Variants in DPY19L1 observed in about 807,000 individuals in gnomAD.
The protein encoded by DPY19L1 is protein C-mannosyl-transferase DPY19L1.
A neutral mutation model predicts 96.9 loss-of-function variants in DPY19L1; 35 were observed. That is an observed-to-expected ratio of 0.36 (90% confidence interval 0.28 to 0.48). The LOEUF (loss-of-function observed/expected upper bound fraction) is 0.48. DPY19L1 is among the 20% of genes least tolerant of loss of function. The pLI, the probability that DPY19L1 is intolerant of heterozygous loss-of-function variation, is 0.99. For missense variants in DPY19L1, 521 were observed against 777.9 expected (o/e 0.67, Z 3.93); for synonymous variants, 205 against 252.6 (o/e 0.81, Z 1.79).
At chr7:34,959,275 A>G (rs1391882219) in intron 10 of DPY19L1, among the ~76,000 whole-genome samples, 1 of 152,222 alleles carries the variant, frequency 6.6e-6, no homozygotes, top group African/African-American at 2.4e-5. Flanking sequence ...GGGAGTATAA[A>G]TTAGTTCAAC....
chr7:35,012,038 C>T (rs955352590), intron 4 of DPY19L1, among the ~76,000 whole-genome samples: 2 of 152,232 alleles, frequency 1.3e-5, no homozygotes, highest in African/African-American at 4.8e-5. Flanking sequence ...GCACTCATTC[C>T]TCCAGCTGGT....
At position 34,974,297 on chromosome 7, in the gene DPY19L1, G is replaced by A. The variant is rs772935586; in HGVS notation, c.823-692C>T. The stretch of plus-strand genomic sequence containing the variant: ...TTCATCCTTCCATCGACAGAAAACC[G>A]CATACAATTAAATGCAAGCAATCTG... On this transcript the variant is annotated intron_variant, in intron 7 of 21. Transcript: ENST00000638088. Among the ~76,000 whole-genome samples, 12 of 152,168 alleles carry A rather than the reference G, an allele frequency of 7.9e-5. No homozygotes were observed. The East Asian group carries it at 1.4e-3, about 17-fold the overall frequency.
chr7:34,943,355 A>G (rs11971120), intron 16 of DPY19L1, among the ~76,000 whole-genome samples: 27,439 of 152,162 alleles, frequency 0.18, 2,859 homozygotes, highest in Admixed American at 0.34. Flanking sequence ...TAATATGCTT[A>G]GTACATTCCA....
intron 6 of DPY19L1, among the ~76,000 whole-genome samples, chr7:35,007,450 C>A (rs1396544337): frequency 1.3e-5 from 2 of 152,126 alleles, no homozygotes; most frequent in African/African-American, 4.8e-5. Context: ...ATTGGAAGAA[C>A]CAGAGACAGC....
intron 6 of DPY19L1, among the ~76,000 whole-genome samples, chr7:34,996,501 A>G (rs1473518296): frequency 6.6e-6 from 1 of 152,050 alleles, no homozygotes; most frequent in Non-Finnish European, 1.5e-5. Context: ...CTTCCCCTGG[A>G]GCCTCCCTCC....
At chr7:35,020,145 A>G (rs1584259911) in intron 1 of DPY19L1, among the ~76,000 whole-genome samples, 1 of 152,226 alleles carries the variant, frequency 6.6e-6, no homozygotes, top group African/African-American at 2.4e-5. Context: ...AAGAAAAAAA[A>G]TAATAATAAT....
chr7:34,988,075 G>A (rs1785087817), intron 7 of DPY19L1: 2 of 152,030 alleles, frequency 1.3e-5, no homozygotes, highest in South Asian at 2.1e-4. Context: ...TGAATAGTCT[G>A]AATTCCATTG....
intron 4 of DPY19L1, among the ~76,000 whole-genome samples, chr7:35,012,837 T>G (rs191557496): frequency 2.0e-5 from 3 of 152,206 alleles, no homozygotes; most frequent in Admixed American, 1.3e-4. Flanking sequence ...AATGAACTTA[T>G]AAAATTTTAA....
At chr7:35,018,635 A>G (rs1400130975) in intron 1 of DPY19L1, 39 bp from the exon 2 acceptor site, 6 of 1,561,612 alleles carry the variant, frequency 3.8e-6, no homozygotes, top group Non-Finnish European at 5.3e-6. Flanking sequence ...ATTTTAGCAT[A>G]AACATGTTCA....
chr7:34,959,914 T>TATATTTATATAAATATATATATAA (rs1562806899), intron 10 of DPY19L1, among the ~76,000 whole-genome samples: 1 of 10,616 alleles, frequency 9.4e-5, no homozygotes, highest in Non-Finnish European at 1.7e-4. Context: ...TATATATATA[T>TATATTTATATAAATATATATATAA]ATATATATAT....
At chr7:35,025,416 G>A (rs1407401484) in intron 1 of DPY19L1, among the ~76,000 whole-genome samples, 2 of 151,914 alleles carry the variant, frequency 1.3e-5, no homozygotes, top group Non-Finnish European at 1.5e-5. Flanking sequence ...CAAGCAGATG[G>A]CATAAAGTCT....
intron 13 of DPY19L1, among the ~76,000 whole-genome samples, chr7:34,950,664 T>A (rs1043516512): frequency 6.6e-6 from 1 of 152,152 alleles, no homozygotes; most frequent in African/African-American, 2.4e-5. Flanking sequence ...GAGTAGGAAC[T>A]AGATGGTGGC....
At chr7:35,016,633 A>G (rs767757746) in intron 3 of DPY19L1, among the ~76,000 whole-genome samples, 1 of 152,250 alleles carries the variant, frequency 6.6e-6, no homozygotes, top group African/African-American at 2.4e-5. Flanking sequence ...TCAGCATCAC[A>G]ATACCTAAAG....
intron 1 of DPY19L1, among the ~76,000 whole-genome samples, chr7:35,019,847 TTTG>T (rs1785951156): frequency 6.6e-6 from 1 of 152,222 alleles, no homozygotes; most frequent in Admixed American, 6.5e-5. Context: ...AAATCTACCA[TTTG>T]CTTCCTTTTA....
chr7:34,990,483 T>C (rs2023327), intron 6 of DPY19L1, among the ~76,000 whole-genome samples: 29,836 of 152,174 alleles, frequency 0.2, 3,306 homozygotes, highest in Admixed American at 0.35. Context: ...ATCCCCAAGC[T>C]ACTTTTCTGC....
chr7:34,953,988 C>G (rs1406101194), intron 13 of DPY19L1, among the ~76,000 whole-genome samples: 1 of 152,000 alleles, frequency 6.6e-6, no homozygotes, highest in Non-Finnish European at 1.5e-5. Context: ...TAGCATTAAT[C>G]TAGTACAGAA....
chr7:34,989,923 G>T lies in DPY19L1; in HGVS notation c.783C>A (p.Gly261=), dbSNP rs1232709620. Residue 261 remains glycine, a synonymous_variant, in exon 7 of 22, where the codon GGC becomes GGA. Coordinates refer to ENST00000638088, the MANE Select transcript of DPY19L1 (RefSeq NM_001366673.1). Reference sequence around the variant, plus strand: ...AAAAGAAGCACAACACTGTAACCAGGCCTCCTAATCGGCTGCCACTGGAAA... The same window carrying T: ...AAAAGAAGCACAACACTGTAACCAGTCCTCCTAATCGGCTGCCACTGGAAA... ...GTYLSGSRLG[G]LVTVLCFFFN... 6.2e-7 allele frequency: 1 copy of T among 1,608,518 alleles called. No homozygotes were observed. The highest frequency in any genetic ancestry group is 8.5e-7 in the Non-Finnish European group (1 of 1,178,324).
chr7:34,939,778 T>C (rs1251162801), intron 19 of DPY19L1, among the ~76,000 whole-genome samples: 1 of 152,154 alleles, frequency 6.6e-6, no homozygotes, highest in African/African-American at 2.4e-5. Context: ...TTTCCACACA[T>C]GAATAAAATG....
chr7:35,017,827 T>C (rs143875360), intron 3 of DPY19L1, 55 bp downstream of exon 3: 13 of 1,353,998 alleles, frequency 9.6e-6, no homozygotes, highest in Admixed American at 2.2e-5. Context: ...ATAAAAAATA[T>C]TAAATGTTTT....
Sources: allele counts gnomAD v4.1 joint callset (sites outside exome capture counted in the v4.1 genomes callset), GRCh38; gene constraint gnomAD v4.1.1; transcripts MANE v1.5; gene names NCBI Gene and HGNC (gene_info 2026-07-23, HGNC 2026-07-21).